TAF15: variants seen among roughly 807,000 people sequenced by gnomAD.
The protein encoded by TAF15 is TATA-box binding protein associated factor 15.
A neutral mutation model predicts 102.5 loss-of-function variants in TAF15; 37 were observed. That is an observed-to-expected ratio of 0.36 (90% CI 0.28 to 0.47). The LOEUF is 0.47. Ranked by LOEUF, TAF15 falls within the 20% of genes least tolerant of loss-of-function variation. The probability of loss-of-function intolerance (pLI) is 0.99; values close to 1 mark genes in which losing one functional copy is unlikely to be tolerated. For missense variants in TAF15, 652 were observed against 760.7 expected, an observed-to-expected ratio of 0.86 and a Z score of 1.68; for synonymous variants, 273 against 259.2, an observed-to-expected ratio of 1.05 and a Z score of -0.51.
chr17:35,834,410 C>A, intron 8 of TAF15, 156 bp from the exon 9 acceptor site: 1 of 678,922 alleles, frequency 1.5e-6, no homozygotes, highest in Non-Finnish European at 2.5e-6. Flanking sequence ...TTAAATAAAA[C>A]ATAATTTATA....
chr17:35,812,953 C>T (rs769087033), intron 1 of TAF15, among the ~76,000 whole-genome samples: 1 of 151,718 alleles, frequency 6.6e-6, no homozygotes, highest in Non-Finnish European at 1.5e-5. Context: ...CATGGCGAAA[C>T]CCCATCTCTA....
chr17:35,824,533 T>C (rs1261594030), intron 7 of TAF15, among the ~76,000 whole-genome samples: 1 of 152,110 alleles, frequency 6.6e-6, no homozygotes, highest in Non-Finnish European at 1.5e-5. Context: ...AAATCCAGTG[T>C]TTGTATGTAA....
intron 12 of TAF15, among the ~76,000 whole-genome samples, chr17:35,843,577 G>A (rs941706379): frequency 4.6e-5 from 7 of 152,082 alleles, no homozygotes; most frequent in Non-Finnish European, 8.8e-5. Flanking sequence ...AAACTAAGTA[G>A]GGTATAGGTT....
chr17:35,842,433 G>C lies in TAF15; in HGVS notation c.980G>C (p.Gly327Ala). 1 of 1,614,098 alleles carries C rather than the reference G, an allele frequency of 6.2e-7. No homozygotes were observed. The highest frequency in any genetic ancestry group is 8.5e-7 in the Non-Finnish European group (1 of 1,179,980). ...FATRRPEFMR[G>A]GGSGGGRRGR... The stretch of plus-strand genomic sequence containing the variant: ...ACTAGAAGACCTGAATTCATGAGAG[G>C]AGGTGGAAGTGGAGGTGGGCGGCGA... Residue 327 changes from glycine (G) to alanine (A), a missense_variant, in exon 12 of 16, where the codon GGA becomes GCA. By Grantham distance (60) the Gly-to-Ala change is moderately conservative. Coordinates refer to ENST00000605844, the MANE Select transcript of TAF15 (RefSeq NM_139215.3).
At position 35,847,205 on chromosome 17, in the gene TAF15, A is replaced by G; in HGVS notation, c.*260A>G. On this transcript the variant is annotated 3_prime_UTR_variant, in exon 16 of 16. Transcript: ENST00000605844. ...GCCAAAATGAAAAGTGTTTTGTAAT[A>G]CTGCAATAAAGGCTGCTTGTTTTTG... 1.7e-6 allele frequency: 1 copy of G among 604,382 alleles called. No individual in the cohort carries two copies. Among genetic ancestry groups the G allele is most frequent in the Non-Finnish European group, 2.9e-6 (1 of 340,896 alleles). 37.4% of individuals were successfully genotyped at this position (604,382 alleles called of 1,614,324 possible). A position where few individuals can be genotyped will look rare whatever the true frequency, so the allele number is the denominator to read the frequency against.
At chr17:35,843,983 A>G in intron 12 of TAF15, 94 bp from the exon 13 acceptor site, 4 of 1,083,646 alleles carry the variant, frequency 3.7e-6, no homozygotes, top group Non-Finnish European at 5.7e-6. Flanking sequence ...CTGCCTAAGT[A>G]TTGATGGGTA....
rs76903662 is a variant in TAF15 at position 35,834,644 on chromosome 17, G to GT, written c.673+56dup. On this transcript the variant is annotated intron_variant, in intron 9 of 15. Transcript: ENST00000605844. The stretch of plus-strand genomic sequence containing the variant: ...TCACTTTGCCATTAAGAAAATGTTA[G>GT]TTTTTTTTTTGATGGGAAAAGTGTG... The GT allele has an allele frequency of 0.1, 128,810 of 1,246,908 alleles. 1,719 individuals are homozygous for GT. Among genetic ancestry groups the GT allele is most frequent in the African/African-American group, 0.22 (14,272 of 65,634 alleles). 77.2% of individuals were successfully genotyped at this position (1,246,908 alleles called of 1,614,324 possible).
intron 1 of TAF15, among the ~76,000 whole-genome samples, chr17:35,812,574 A>G (rs1424823751): frequency 7.2e-6 from 1 of 139,102 alleles, no homozygotes; most frequent in African/African-American, 2.8e-5. Flanking sequence ...AACAAGAGAA[A>G]CTCTATCTCA....
intron 1 of TAF15, 141 bp from the exon 2 acceptor site, chr17:35,817,575 T>C: frequency 1.4e-6 from 1 of 722,018 alleles, no homozygotes; most frequent in Non-Finnish European, 2.4e-6. Flanking sequence ...ATTTCTTGTT[T>C]CATAGTATTT....
In TAF15 at chr17:35,844,845, G is replaced by A; in HGVS notation, c.1546G>A (p.Gly516Arg). Residue 516 changes from glycine (G) to arginine (R), a missense_variant, in exon 15 of 16, where the codon GGA becomes AGA. Gly to Arg is a moderately radical substitution (Grantham distance 125). Coordinates refer to ENST00000605844, the MANE Select transcript of TAF15 (RefSeq NM_139215.3). ...TTACGGAGGAGATCGAGGAGGTTAT[G>A]GAGGAGATCGAGGAGGCTATGGAGG... ...GGYGGDRGGY[G>R]GDRGGYGGDR... 1.2e-6 allele frequency: 2 copies of A among 1,604,082 alleles called. No homozygotes were observed. The highest frequency in any genetic ancestry group is 1.7e-6 in the Non-Finnish European group (2 of 1,171,928).
At chr17:35,843,372 C>T (rs2087571062) in intron 12 of TAF15, among the ~76,000 whole-genome samples, 1 of 152,196 alleles carries the variant, frequency 6.6e-6, no homozygotes, top group African/African-American at 2.4e-5. Context: ...GATCTGCTTG[C>T]CTTGGCCTCC....
At chr17:35,827,569 G>A (rs576886288) in intron 7 of TAF15, among the ~76,000 whole-genome samples, 1 of 152,190 alleles carries the variant, frequency 6.6e-6, no homozygotes, top group African/African-American at 2.4e-5. Context: ...AGCTGGACAC[G>A]ATGGTGGGTG....
Position 35,822,754 on chromosome 17 carries a change from T to G in TAF15, c.405T>G (p.Tyr135Ter). The G allele has an allele frequency of 6.2e-7, 1 of 1,614,210 alleles. No homozygotes were observed. ...GCTCATATGATGAGCAGTCAAATTA[T>G]GATCAGCAGCATGATTCCTATAGTC... ...HQGSYDEQSNYDQQHDSYSQN... is the reference protein window; with the variant it reads ...HQGSYDEQSN Residue 135 changes from tyrosine to a stop codon, truncating the protein, a stop_gained, in exon 6 of 16, where the codon TAT becomes TAG. Coordinates refer to ENST00000605844, the MANE Select transcript of TAF15 (RefSeq NM_139215.3). LOFTEE classifies it high-confidence loss of function.
chr17:35,809,642 C>T (rs2087100677), intron 1 of TAF15, 66 bp downstream of exon 1: 1 of 1,609,926 alleles, frequency 6.2e-7, no homozygotes. Flanking sequence ...GGCTGTCTTC[C>T]CGCCCACCGG....
At chr17:35,835,863 G>T (rs1348482307) in intron 9 of TAF15, among the ~76,000 whole-genome samples, 2 of 152,218 alleles carry the variant, frequency 1.3e-5, no homozygotes, top group East Asian at 3.8e-4. Context: ...GAAGAGTGAG[G>T]TTTGTAAGAT....
chr17:35,841,873 A>T (rs1007423410), intron 11 of TAF15, among the ~76,000 whole-genome samples: 14 of 151,744 alleles, frequency 9.2e-5, no homozygotes, highest in South Asian at 2.1e-4. Context: ...AATTAAAAAA[A>T]TTTTTTCAGA....
chr17:35,813,097 G>A (rs1178122229), intron 1 of TAF15, among the ~76,000 whole-genome samples: 1 of 123,128 alleles, frequency 8.1e-6, no homozygotes, highest in Non-Finnish European at 1.6e-5. Flanking sequence ...CAGCTTGGGT[G>A]ACAGAGCAAG....
chr17:35,845,092 G>T (rs1014023981), intron 15 of TAF15, 54 bp downstream of exon 15: 1 of 1,608,064 alleles, frequency 6.2e-7, no homozygotes, highest in African/African-American at 1.3e-5. Context: ...CCTAGATTGG[G>T]GGATTTGAAC....
rs763366327 is a variant in TAF15, at chr17:35,836,117, C to G, written c.674-15C>G. 118 of 1,569,692 alleles carry G rather than the reference C, an allele frequency of 7.5e-5. No individual in the cohort carries two copies. The highest frequency in any genetic ancestry group is 3.2e-4 in the Admixed American group (19 of 59,922). ...AAGGAATATGTAAAATTAACCATCA[C>G]TTTTTTTCTCTTAGATTCAGAATCT... On this transcript the variant is annotated splice_polypyrimidine_tract_variant and intron_variant, in intron 9 of 15. Coordinates refer to ENST00000605844, the MANE Select transcript of TAF15 (RefSeq NM_139215.3).
Sources: gnomAD v4.1 joint callset for allele counts (sites outside exome capture counted in the v4.1 genomes callset) on GRCh38, gnomAD v4.1.1 for gene constraint, MANE v1.5 for transcripts, NCBI Gene and HGNC (gene_info 2026-07-23, HGNC 2026-07-21) for gene names.